SLC37A3: variants seen among roughly 807,000 people sequenced by gnomAD.
SLC37A3 encodes the protein sugar phosphate exchanger 3.
A neutral mutation model predicts 67.1 loss-of-function variants in SLC37A3; 51 were observed. That is an observed-to-expected ratio of 0.76 (90% confidence interval 0.61 to 0.96). The LOEUF (loss-of-function observed/expected upper bound fraction) is 0.96, where lower values mean the gene tolerates loss of function less well. SLC37A3 is among the 40% of genes least tolerant of loss of function. The pLI, the probability that SLC37A3 is intolerant of heterozygous loss-of-function variation, is 0.00. For missense variants in SLC37A3, 508 were observed against 603.0 expected (o/e 0.84, Z 1.65); for synonymous variants, 214 against 231.4 (o/e 0.92, Z 0.68).
chr7:140,388,623 C>T (rs1298583545), intron 1 of SLC37A3, among the ~76,000 whole-genome samples: 1 of 151,626 alleles, frequency 6.6e-6, no homozygotes, highest in East Asian at 1.9e-4. Context: ...CCAGCCTGGC[C>T]AACATGGCGA....
rs1474726232 is a variant in SLC37A3, at chr7:140,345,988, A to G, written c.1025-18T>C. The G allele has an allele frequency of 8.2e-6, 13 of 1,590,742 alleles. No individual in the cohort carries two copies. Among genetic ancestry groups the G allele is most frequent in the Non-Finnish European group, 1.1e-5 (13 of 1,159,232 alleles). On this transcript the variant is annotated intron_variant, in intron 10 of 14. Coordinates refer to ENST00000326232, the MANE Select transcript of SLC37A3 (RefSeq NM_207113.3). ...AGTTCCACCTTCAAGCAGAGTGTCGAGCAATCAAAATCACTTCTAATTTAG... is the reference window on the plus strand; with the variant it reads ...AGTTCCACCTTCAAGCAGAGTGTCGGGCAATCAAAATCACTTCTAATTTAG...
At position 140,343,291 on chromosome 7, in the gene SLC37A3, G is replaced by A. The variant is rs572753673; in HGVS notation, c.1326+121C>T. ...CCTGAGGGGAGACGGAAGTCCTTGG[G>A]CTCTGGGAACAGCGTTCTACAGCAC... On this transcript the variant is annotated intron_variant, in intron 13 of 14. Transcript: ENST00000326232. The A allele has an allele frequency of 1.8e-4, 246 of 1,386,954 alleles. 1 individual carries two copies. Among genetic ancestry groups the A allele is most frequent in the Non-Finnish European group, 2.4e-4 (239 of 997,940 alleles). 85.9% of individuals were successfully genotyped at this position (1,386,954 alleles called of 1,614,324 possible).
intron 4 of SLC37A3, among the ~76,000 whole-genome samples, chr7:140,368,680 G>C (rs1377632005): frequency 1.1e-4 from 16 of 152,158 alleles, no homozygotes; most frequent in Non-Finnish European, 8.8e-5. Context: ...CCAAGTGTCT[G>C]CTCTTCATCA....
At chr7:140,395,413 A>G (rs1363399580) in intron 1 of SLC37A3, among the ~76,000 whole-genome samples, 1 of 150,796 alleles carries the variant, frequency 6.6e-6, no homozygotes, top group Non-Finnish European at 1.5e-5. Flanking sequence ...AGAGCTATAA[A>G]AAAATAAAAA....
At chr7:140,395,339 C>A (rs1022086445) in intron 1 of SLC37A3, among the ~76,000 whole-genome samples, 1 of 133,990 alleles carries the variant, frequency 7.5e-6, no homozygotes, top group Non-Finnish European at 1.5e-5. Flanking sequence ...GGTGCCACTG[C>A]ACTCCAGCCT....
intron 4 of SLC37A3, among the ~76,000 whole-genome samples, chr7:140,366,866 G>A (rs1224814729): frequency 6.6e-6 from 1 of 152,168 alleles, no homozygotes; most frequent in African/African-American, 2.4e-5. Context: ...TGGGCGCAGT[G>A]GCTCACACCT....
At chr7:140,384,737 A>G (rs1476756527) in intron 1 of SLC37A3, among the ~76,000 whole-genome samples, 2 of 151,376 alleles carry the variant, frequency 1.3e-5, no homozygotes, top group Non-Finnish European at 1.5e-5. Flanking sequence ...CGCACCAAAA[A>G]AAGTAATGTA....
At chr7:140,369,561 G>A (rs4448174) in intron 4 of SLC37A3, 29 bp downstream of exon 4, 2 of 1,588,720 alleles carry the variant, frequency 1.3e-6, no homozygotes, top group Non-Finnish European at 8.6e-7. Flanking sequence ...TTTTTCTTTA[G>A]CTTTAAGCCC....
chr7:140,368,945 G>A (rs1585324978), intron 4 of SLC37A3, among the ~76,000 whole-genome samples: 1 of 151,994 alleles, frequency 6.6e-6, no homozygotes, highest in Non-Finnish European at 1.5e-5. Flanking sequence ...AAAAGAACTC[G>A]GCTCCCAGAG....
intron 3 of SLC37A3, among the ~76,000 whole-genome samples, chr7:140,375,374 C>T (rs1797993921): frequency 6.6e-6 from 1 of 151,432 alleles, no homozygotes; most frequent in South Asian, 2.1e-4. Context: ...ACTCCGTAGG[C>T]TGAGACAGGA....
At chr7:140,352,224 G>T (rs1263874355) in intron 7 of SLC37A3, 78 bp from the exon 8 acceptor site, 4 of 1,092,506 alleles carry the variant, frequency 3.7e-6, no homozygotes, top group Admixed American at 2.2e-5. Context: ...AGGTGTGTGG[G>T]GGAAGGTGGG....
intron 7 of SLC37A3, among the ~76,000 whole-genome samples, chr7:140,354,918 GT>G (rs1476663059): frequency 5.3e-5 from 8 of 151,662 alleles, no homozygotes. Context: ...TAATTTTTTA[GT>G]TTTTTTGTAG....
At chr7:140,364,262 A>G (rs1460992603) in intron 5 of SLC37A3, 146 bp downstream of exon 5, 2 of 725,298 alleles carry the variant, frequency 2.8e-6, no homozygotes, top group Admixed American at 3.1e-5. Context: ...GGGGGGGAAA[A>G]AAAAGACTCA....
intron 3 of SLC37A3, among the ~76,000 whole-genome samples, chr7:140,373,611 T>C (rs1488597847): frequency 6.6e-6 from 1 of 152,078 alleles, no homozygotes; most frequent in Non-Finnish European, 1.5e-5. Context: ...AACACTTCTC[T>C]CTTTTCTAAC....
At chr7:140,386,429 C>T (rs1219197908) in intron 1 of SLC37A3, among the ~76,000 whole-genome samples, 1 of 129,078 alleles carries the variant, frequency 7.7e-6, no homozygotes, top group Non-Finnish European at 1.7e-5. Flanking sequence ...AATACTACGA[C>T]ATTTGGTCCT....
chr7:140,346,107 C>T (rs761838336), intron 10 of SLC37A3, 137 bp from the exon 11 acceptor site: 5 of 646,934 alleles, frequency 7.7e-6, no homozygotes, highest in Non-Finnish European at 1.1e-5. Context: ...GGGCCGGGCT[C>T]GGTGGCTCAC....
chr7:140,380,485 A>G, intron 2 of SLC37A3, 95 bp from the exon 3 acceptor site: 1 of 840,742 alleles, frequency 1.2e-6, no homozygotes, highest in South Asian at 1.7e-5. Flanking sequence ...ATTCAATTTT[A>G]TTTTATTTTA....
At chr7:140,396,287 G>A (rs987200882) in intron 1 of SLC37A3, among the ~76,000 whole-genome samples, 2 of 151,996 alleles carry the variant, frequency 1.3e-5, no homozygotes, top group Non-Finnish European at 2.9e-5. Flanking sequence ...GCCTCCCAAA[G>A]CCCTAGGATT....
At chr7:140,347,247 CAAA>C (rs554765652) in intron 10 of SLC37A3, among the ~76,000 whole-genome samples, 2 of 71,626 alleles carry the variant, frequency 2.8e-5, no homozygotes. Context: ...CCCCCATCTC[CAAA>C]AAAAAAAAAA....
Sources: allele counts gnomAD v4.1 joint callset (sites outside exome capture counted in the v4.1 genomes callset), GRCh38; gene constraint gnomAD v4.1.1; transcripts MANE v1.5; gene names NCBI Gene and HGNC (gene_info 2026-07-23, HGNC 2026-07-21).